The following SLA variants were observed in gnomAD, a reference collection of about 807,000 sequenced individuals.
The protein encoded by SLA is src-like-adapter.
SLA carries 16 observed loss-of-function variants against 30.3 expected under a neutral mutation model. The ratio of observed to expected loss-of-function variants is 0.53; its 90% CI spans 0.36 to 0.80. The LOEUF (loss-of-function observed/expected upper bound fraction) is 0.80, where lower values mean the gene tolerates loss of function less well. Ranked by LOEUF, SLA falls within the 30% of genes least tolerant of loss-of-function variation. SLA has a pLI of 0.01. For missense variants in SLA, 310 were observed against 345.2 expected, an observed-to-expected ratio of 0.90 and a Z score of 0.81; for synonymous variants, 143 against 137.8, an observed-to-expected ratio of 1.04 and a Z score of -0.26.
intron 1 of SLA, among the ~76,000 whole-genome samples, chr8:133,075,633 T>C (rs1239622342): frequency 6.6e-6 from 1 of 152,196 alleles, no homozygotes; most frequent in East Asian, 1.9e-4. Context: ...TCATGACGGC[T>C]ATATCTTTCA....
intron 7 of SLA, among the ~76,000 whole-genome samples, chr8:133,041,965 T>C (rs1294787643): frequency 6.6e-5 from 10 of 151,780 alleles, no homozygotes; most frequent in Non-Finnish European, 1.5e-4. Flanking sequence ...TTTTTTGTAT[T>C]TTTAGTAGAG....
chr8:133,056,949 G>T (rs1401451122), intron 3 of SLA, among the ~76,000 whole-genome samples: 1 of 152,156 alleles, frequency 6.6e-6, no homozygotes, highest in African/African-American at 2.4e-5. Flanking sequence ...TGATTCGTGG[G>T]CCTGGGGTGG....
intron 1 of SLA, among the ~76,000 whole-genome samples, chr8:133,088,750 G>A (rs1847013677): frequency 6.6e-6 from 1 of 152,130 alleles, no homozygotes; most frequent in Admixed American, 6.5e-5. Context: ...AGGTAGTTTT[G>A]ATGCCTTTTT....
rs142545358 is a variant in SLA at position 133,038,498 on chromosome 8, G to A, written c.*26C>T. 1 of 1,534,470 alleles carries A rather than the reference G, an allele frequency of 6.5e-7. No individual in the cohort carries two copies. Among genetic ancestry groups the A allele is most frequent in the Non-Finnish European group, 9.0e-7 (1 of 1,107,266 alleles). On this transcript the variant is annotated 3_prime_UTR_variant, in exon 9 of 9. Coordinates refer to ENST00000338087, the MANE Select transcript of SLA (RefSeq NM_001045556.3). ...TAGTTGGAACTTCTGTTCCTTTTGG[G>A]CATGAACCATTGTGTCTGTTCTTGG...
intron 1 of SLA, among the ~76,000 whole-genome samples, chr8:133,081,851 G>A (rs1845800508): frequency 6.6e-6 from 1 of 152,216 alleles, no homozygotes; most frequent in African/African-American, 2.4e-5. Context: ...TCCTGTAGCT[G>A]CACTCCTGTG....
intron 1 of SLA, among the ~76,000 whole-genome samples, chr8:133,088,584 GC>G (rs1846986557): frequency 6.6e-6 from 1 of 152,118 alleles, no homozygotes; most frequent in South Asian, 2.1e-4. Flanking sequence ...AAATGATGTG[GC>G]CCTTAGAAGG....
intron 1 of SLA, among the ~76,000 whole-genome samples, chr8:133,086,321 T>C (rs1006574790): frequency 2.6e-5 from 4 of 152,218 alleles, no homozygotes; most frequent in African/African-American, 7.2e-5. Context: ...CTAAAAACCA[T>C]TGAATTAAGT....
intron 1 of SLA, among the ~76,000 whole-genome samples, chr8:133,089,740 G>T (rs17630799): frequency 0.18 from 26,771 of 152,058 alleles, 2,864 homozygotes; most frequent in Non-Finnish European, 0.24. Flanking sequence ...CTGTCCTGGG[G>T]CTGTCGGATT....
Position 133,084,911 on chromosome 8 carries a change from T to C in SLA, c.-318-9781A>G, listed in dbSNP as rs538061156. ...GGCACATAGAGGGTGGGTAGTGTCA[T>C]GGCTTTGGAGAAAAATGGCCTGAAT... On this transcript the variant is annotated intron_variant, in intron 1 of 8. Transcript: ENST00000338087. Among the ~76,000 whole-genome samples the C allele has an allele frequency of 1.4e-3, 216 of 152,362 alleles. 1 individual carries two copies. Among genetic ancestry groups the C allele is most frequent in the Admixed American group, 3.1e-3 (47 of 15,304 alleles).
chr8:133,064,989 AT>A (rs1842856313), intron 2 of SLA, among the ~76,000 whole-genome samples: 1 of 152,204 alleles, frequency 6.6e-6, no homozygotes, highest in Non-Finnish European at 1.5e-5. Context: ...GACAGTTAGA[AT>A]TAATTTGAAA....
intron 4 of SLA, 171 bp downstream of exon 4, chr8:133,050,645 G>A (rs947837745): frequency 1.3e-5 from 8 of 595,554 alleles, no homozygotes; most frequent in Non-Finnish European, 2.4e-5. Flanking sequence ...AGGTTCTAGA[G>A]CACTGGCCAC....
intron 7 of SLA, among the ~76,000 whole-genome samples, chr8:133,041,782 C>T (rs1425579750): frequency 7.1e-6 from 1 of 140,164 alleles, no homozygotes; most frequent in Non-Finnish European, 1.5e-5. Flanking sequence ...AGCTTGTGGT[C>T]AGTTTTTTTT....
chr8:133,050,806 G>T lies in SLA; in HGVS notation c.161+10C>A. Reference sequence around the variant, plus strand: ...TTGAAGATTGCACAAGTTTTGGAGAGCTGACTCACTCAGAAATCACACGCA... The same window carrying T: ...TTGAAGATTGCACAAGTTTTGGAGATCTGACTCACTCAGAAATCACACGCA... On this transcript the variant is annotated intron_variant, in intron 4 of 8. Transcript: ENST00000338087. 1 of 1,560,024 alleles carries T rather than the reference G, an allele frequency of 6.4e-7. No individual in the cohort carries two copies. Among genetic ancestry groups the T allele is most frequent in the Non-Finnish European group, 8.8e-7 (1 of 1,130,342 alleles).
At chr8:133,055,417 A>C (rs936115600) in intron 3 of SLA, among the ~76,000 whole-genome samples, 1 of 151,892 alleles carries the variant, frequency 6.6e-6, no homozygotes, top group African/African-American at 2.4e-5. Flanking sequence ...AGGATTATAC[A>C]TGCAACTAAC....
At chr8:133,054,392 C>G (rs1418700301) in intron 3 of SLA, among the ~76,000 whole-genome samples, 2 of 152,224 alleles carry the variant, frequency 1.3e-5, no homozygotes, top group East Asian at 3.9e-4. Flanking sequence ...GGCTTACATC[C>G]CACCTCCGCC....
At position 133,075,845 on chromosome 8, in the gene SLA, G is replaced by T. The variant is rs181532007; in HGVS notation, c.-318-715C>A. ...CAAACGGGACAAAATGTTAATACTT[G>T]GTGAGCCTAGGTGAAGGGGATATAG... On this transcript the variant is annotated intron_variant, in intron 1 of 8. Coordinates refer to ENST00000338087, the MANE Select transcript of SLA (RefSeq NM_001045556.3). Among the ~76,000 whole-genome samples the T allele has an allele frequency of 3.2e-3, 492 of 152,216 alleles. 5 individuals are homozygous for T. The highest frequency in any genetic ancestry group is 0.011 in the African/African-American group (465 of 41,508).
At chr8:133,085,728 C>T (rs946544920) in intron 1 of SLA, among the ~76,000 whole-genome samples, 2 of 152,156 alleles carry the variant, frequency 1.3e-5, no homozygotes, top group African/African-American at 4.8e-5. Flanking sequence ...GTAAGCATTA[C>T]TGAAGATATG....
At chr8:133,089,701 C>T (rs1431945463) in intron 1 of SLA, among the ~76,000 whole-genome samples, 2 of 152,188 alleles carry the variant, frequency 1.3e-5, no homozygotes, top group African/African-American at 4.8e-5. Flanking sequence ...TTCACTCACT[C>T]ATGCAATACA....
intron 1 of SLA, chr8:133,075,946 T>C (rs1013117169): frequency 6.6e-6 from 1 of 152,194 alleles, no homozygotes; most frequent in African/African-American, 2.4e-5. Context: ...TTATATATTA[T>C]AAAATGTATG....
Sources: gnomAD v4.1 joint callset for allele counts (sites outside exome capture counted in the v4.1 genomes callset) on GRCh38, gnomAD v4.1.1 for gene constraint, MANE v1.5 for transcripts, NCBI Gene and HGNC (gene_info 2026-07-23, HGNC 2026-07-21) for gene names.